The following NHSL1 variants were observed in gnomAD, a reference collection of about 807,000 sequenced individuals.
NHSL1 encodes the protein NHS-like protein 1.
Under a neutral mutation model 95.0 loss-of-function variants are expected in NHSL1, and 48 were observed. The observed-to-expected ratio is 0.51, with a 90% CI of 0.40 to 0.64. The LOEUF is 0.64. NHSL1 is among the 30% of genes least tolerant of loss of function. The probability of loss-of-function intolerance (pLI) is 0.00; values close to 1 mark genes in which losing one functional copy is unlikely to be tolerated. For missense variants in NHSL1, 1,971 were observed against 2,077.7 expected, an observed-to-expected ratio of 0.95 and a Z score of 1.00; for synonymous variants, 783 against 833.9, an observed-to-expected ratio of 0.94 and a Z score of 1.05.
At chr6:138,437,443 CACAAA>C (rs1253817725) in intron 5 of NHSL1, among the ~76,000 whole-genome samples, 475 of 41,572 alleles carry the variant, frequency 0.011, 17 homozygotes, top group African/African-American at 0.039. Context: ...CACACACACA[CACAAA>C]AAAAAAAAAA....
intron 1 of NHSL1, among the ~76,000 whole-genome samples, chr6:138,683,505 C>T (rs1195175349): frequency 2.6e-5 from 4 of 152,246 alleles, no homozygotes; most frequent in Admixed American, 6.5e-5. Context: ...TCTCAAATTT[C>T]TTGGCCATCT....
intron 1 of NHSL1, among the ~76,000 whole-genome samples, chr6:138,568,323 C>T (rs1159333200): frequency 6.6e-6 from 1 of 152,182 alleles, no homozygotes; most frequent in East Asian, 1.9e-4. Flanking sequence ...GACTTCAGGG[C>T]CTGAGTGCTA....
At chr6:138,626,444 C>T (rs920888321) in intron 1 of NHSL1, among the ~76,000 whole-genome samples, 24 of 152,106 alleles carry the variant, frequency 1.6e-4, no homozygotes, top group African/African-American at 4.8e-4. Flanking sequence ...TTCTCTGTGA[C>T]GGCATAGCTT....
At chr6:138,616,848 A>C (rs1391751454) in intron 1 of NHSL1, among the ~76,000 whole-genome samples, 2 of 152,198 alleles carry the variant, frequency 1.3e-5, no homozygotes, top group Non-Finnish European at 2.9e-5. Flanking sequence ...CAATGGACTC[A>C]AGTTATGTTG....
intron 1 of NHSL1, among the ~76,000 whole-genome samples, chr6:138,535,231 T>C (rs1420380294): frequency 1.3e-5 from 2 of 151,888 alleles, no homozygotes; most frequent in Non-Finnish European, 1.5e-5. Context: ...ATATAGTCAA[T>C]AGAATTTTCT....
intron 1 of NHSL1, among the ~76,000 whole-genome samples, chr6:138,681,184 C>T (rs542277200): frequency 6.6e-6 from 1 of 151,946 alleles, no homozygotes; most frequent in Non-Finnish European, 1.5e-5. Flanking sequence ...AACAGGATAA[C>T]CCAGAAATTG....
At chr6:138,620,768 T>C (rs1254994459) in intron 1 of NHSL1, among the ~76,000 whole-genome samples, 1 of 152,174 alleles carries the variant, frequency 6.6e-6, no homozygotes, top group Non-Finnish European at 1.5e-5. Context: ...AAATATAACT[T>C]CCATCTGCCC....
chr6:138,508,399 G>C (rs977935931), intron 1 of NHSL1, among the ~76,000 whole-genome samples: 1 of 152,186 alleles, frequency 6.6e-6, no homozygotes, highest in African/African-American at 2.4e-5. Flanking sequence ...GGTGAGTATG[G>C]AAATAGCACA....
intron 1 of NHSL1, among the ~76,000 whole-genome samples, chr6:138,604,912 C>T (rs986497804): frequency 1.3e-5 from 2 of 152,170 alleles, no homozygotes; most frequent in Non-Finnish European, 2.9e-5. Context: ...GCAAGAGCCA[C>T]CACGCCCAGC....
At chr6:138,579,999 C>T (rs185651456) in intron 1 of NHSL1, among the ~76,000 whole-genome samples, 139 of 152,228 alleles carry the variant, frequency 9.1e-4, no homozygotes, top group African/African-American at 3.2e-3. Flanking sequence ...AGCAGATGAA[C>T]CTTACTTTTA....
intron 1 of NHSL1, among the ~76,000 whole-genome samples, chr6:138,522,759 C>T (rs767529704): frequency 6.6e-5 from 10 of 152,018 alleles, no homozygotes; most frequent in African/African-American, 2.2e-4. Flanking sequence ...TGCAGTGAGC[C>T]GTGATTGTGC....
intron 2 of NHSL1, among the ~76,000 whole-genome samples, chr6:138,474,258 C>T (rs757132150): frequency 2.0e-5 from 3 of 152,208 alleles, no homozygotes; most frequent in Non-Finnish European, 4.4e-5. Flanking sequence ...GTTCCTTTAA[C>T]TATCCAGCTT....
chr6:138,445,062 T>C (rs1319558583), intron 4 of NHSL1, among the ~76,000 whole-genome samples: 1 of 152,220 alleles, frequency 6.6e-6, no homozygotes, highest in Admixed American at 6.5e-5. Flanking sequence ...AGTCATCAGA[T>C]AGGATAGAAT....
chr6:138,517,610 T>C (rs987360022), intron 1 of NHSL1, among the ~76,000 whole-genome samples: 1 of 152,148 alleles, frequency 6.6e-6, no homozygotes, highest in Non-Finnish European at 1.5e-5. Context: ...AACAATAGAA[T>C]CCAGTTTCAT....
intron 5 of NHSL1, among the ~76,000 whole-genome samples, chr6:138,437,407 C>CATATATATAT (rs1776232231): frequency 1.4e-5 from 1 of 73,240 alleles, no homozygotes; most frequent in Non-Finnish European, 2.4e-5. Flanking sequence ...TATATATACA[C>CATATATATAT]ACATATACAC....
chr6:138,588,419 G>A (rs1194515131), intron 1 of NHSL1, among the ~76,000 whole-genome samples: 2 of 152,180 alleles, frequency 1.3e-5, no homozygotes, highest in Non-Finnish European at 2.9e-5. Flanking sequence ...CCGAGATCAC[G>A]CTATTGCTCT....
At chr6:138,555,692 C>T (rs373288949) in intron 1 of NHSL1, among the ~76,000 whole-genome samples, 3 of 152,322 alleles carry the variant, frequency 2.0e-5, no homozygotes, top group East Asian at 3.9e-4. Context: ...TGCTTATCTT[C>T]TGCATATCTG....
upstream of NHSL1, among the ~76,000 whole-genome samples, chr6:138,549,701 G>A (rs1312028697): frequency 2.6e-5 from 4 of 152,152 alleles, no homozygotes; most frequent in Admixed American, 6.5e-5. Flanking sequence ...AGATGGGCAT[G>A]ATTTGTTTTT....
chr6:138,626,972 T>C (rs1213517103), intron 1 of NHSL1, among the ~76,000 whole-genome samples: 1 of 151,414 alleles, frequency 6.6e-6, no homozygotes, highest in Non-Finnish European at 1.5e-5. Context: ...AAAACATTAC[T>C]GTATATCATA....
Sources: allele counts gnomAD v4.1 joint callset (sites outside exome capture counted in the v4.1 genomes callset), GRCh38; gene constraint gnomAD v4.1.1; transcripts MANE v1.5; gene names NCBI Gene and HGNC (gene_info 2026-07-23, HGNC 2026-07-21).